Variants in PHEX observed in about 807,000 individuals in gnomAD.
PHEX encodes phosphate regulating endopeptidase X-linked.
In PHEX, 16 loss-of-function variants were observed where a neutral mutation model predicts 68.0. The observed-to-expected ratio is 0.24, with a 90% CI of 0.16 to 0.36. The LOEUF is 0.36. PHEX is among the 10% of genes least tolerant of loss of function. PHEX has a pLI of 1.00. For synonymous variants in PHEX, 208 were observed against 205.1 expected (o/e 1.01, Z -0.12); for missense variants, 480 against 575.5 (o/e 0.83, Z 1.70).
At chrX:22,087,214 A>G (rs1039784860) in intron 5 of PHEX, among the ~76,000 whole-genome samples, 2 of 112,372 alleles carry the variant, frequency 1.8e-5, no homozygotes, top group Admixed American at 1.9e-4. Context: ...TTCCTTTCCT[A>G]TGAGACTCAA....
At chrX:22,137,662 A>G (rs1206391338) in intron 12 of PHEX, among the ~76,000 whole-genome samples, 2 of 111,021 alleles carry the variant, frequency 1.8e-5, no homozygotes, top group Non-Finnish European at 3.8e-5. Context: ...GGTCCCTGGG[A>G]ACTCATTAGA....
In PHEX at chrX:22,191,271, G is replaced by T. The variant is rs1934191693; in HGVS notation, c.1645+769G>T. Among the ~76,000 whole-genome samples, 4 of 111,804 alleles carry T rather than the reference G, an allele frequency of 3.6e-5. No homozygotes were observed. In the Admixed American group the frequency reaches 3.8e-4, roughly 11 times the overall value. ...TCAAACTCCTGGCCTCAAGTGATCT[G>T]CCCACCTTGGCCTTCCAAAGTGCTG... On this transcript the variant is annotated intron_variant, in intron 15 of 21. Coordinates refer to ENST00000379374, the MANE Select transcript of PHEX (RefSeq NM_000444.6).
intron 5 of PHEX, among the ~76,000 whole-genome samples, chrX:22,083,168 A>G (rs1481572235): frequency 8.9e-6 from 1 of 112,193 alleles, no homozygotes; most frequent in Non-Finnish European, 1.9e-5. Flanking sequence ...CCCTTTTATC[A>G]TATACAAAAA....
intron 7 of PHEX, among the ~76,000 whole-genome samples, chrX:22,094,365 G>C (rs923462093): frequency 8.9e-6 from 1 of 112,246 alleles, no homozygotes; most frequent in Non-Finnish European, 1.9e-5. Context: ...ACGTTGCTCA[G>C]CTGTGGCCAA....
chrX:22,099,328 A>G, intron 9 of PHEX, 177 bp downstream of exon 9: 1 of 467,254 alleles, frequency 2.1e-6, no homozygotes, highest in Non-Finnish European at 3.7e-6. Flanking sequence ...GGTGTAATTT[A>G]CTTGCTGCAA....
intron 3 of PHEX, among the ~76,000 whole-genome samples, chrX:22,052,850 T>C (rs764098150): frequency 1.4e-4 from 16 of 111,080 alleles, no homozygotes; most frequent in Non-Finnish European, 2.1e-4. Flanking sequence ...GTGTACAAAA[T>C]ACACTACTTG....
rs1295886938 is a variant in PHEX, at chrX:22,048,088, A to G, written c.349+877A>G. Among the ~76,000 whole-genome samples, 3 of 111,535 alleles carry G rather than the reference A, an allele frequency of 2.7e-5. No homozygotes were observed. The Admixed American group carries it at 2.9e-4, about 11-fold the overall frequency. On this transcript the variant is annotated intron_variant, in intron 3 of 21. Transcript: ENST00000379374. ...CATTTACATTTTCCCAAGATTTTAA[A>G]TACATGAAAATTAAATATGTATCAT...
intron 9 of PHEX, among the ~76,000 whole-genome samples, chrX:22,106,790 A>C (rs1930714883): frequency 9.3e-6 from 1 of 107,880 alleles, no homozygotes; most frequent in African/African-American, 3.5e-5. Context: ...AAAAAAAAAA[A>C]AAAAAACCAA....
In PHEX at chrX:22,250,925, T is replaced by A. The variant is rs959824510; in HGVS notation, c.*2972T>A. 8 of 112,056 alleles carry A rather than the reference T, an allele frequency of 7.1e-5. No homozygotes were observed. The highest frequency in any genetic ancestry group is 1.3e-4 in the Non-Finnish European group (7 of 53,196). 9.2% of individuals were successfully genotyped at this position (112,056 alleles called of 1,213,427 possible). A position where few individuals can be genotyped will look rare whatever the true frequency, so the allele number is the denominator to read the frequency against. ...AAGTGGAGAAGCCTGAAATCCCTTG[T>A]CAAGTATTCCACAGGAAGGAAAGGT... On this transcript the variant is annotated 3_prime_UTR_variant, in exon 22 of 22. Transcript: ENST00000379374.
chrX:22,227,305 G>GTA (rs1276068000), intron 19 of PHEX, among the ~76,000 whole-genome samples: 1 of 112,651 alleles, frequency 8.9e-6, no homozygotes, highest in Non-Finnish European at 1.9e-5. Flanking sequence ...AGCTGCTTTG[G>GTA]TATACATTGA....
Position 22,231,758 on chromosome X carries a change from C to CTCTA in PHEX, c.2070+4151_2070+4154dup, listed in dbSNP as rs770862068. On this transcript the variant is annotated intron_variant, in intron 20 of 21. Transcript: ENST00000379374. ...TGATTTTTTGAAGGGTTTTTTGTGT[C>CTCTA]TCTATCTCCTTCAGTTCTGCTCTGA... Among the ~76,000 whole-genome samples the CTCTA allele has an allele frequency of 8.0e-3, 891 of 111,627 alleles. 5 individuals are homozygous for CTCTA. The highest frequency in any genetic ancestry group is 0.014 in the Non-Finnish European group (725 of 53,084).
At chrX:22,228,950 C>T (rs747748847) in intron 20 of PHEX, among the ~76,000 whole-genome samples, 6 of 111,149 alleles carry the variant, frequency 5.4e-5, no homozygotes, top group East Asian at 5.7e-4. Context: ...TTTCATTGTT[C>T]GACTCCCACT....
chrX:22,228,361 A>C (rs757953678), intron 20 of PHEX, among the ~76,000 whole-genome samples: 77 of 112,006 alleles, frequency 6.9e-4, no homozygotes, highest in African/African-American at 2.5e-3. Context: ...AAGCTAGACA[A>C]AAATTTTCAT....
chrX:22,240,063 A>G (rs1323105603), intron 20 of PHEX, among the ~76,000 whole-genome samples: 1 of 112,439 alleles, frequency 8.9e-6, no homozygotes, highest in Admixed American at 9.4e-5. Context: ...CCTACAAGCC[A>G]GAAGAGAGAG....
chrX:22,190,811 T>A (rs1001565148), intron 15 of PHEX, among the ~76,000 whole-genome samples: 1 of 111,460 alleles, frequency 9.0e-6, no homozygotes, highest in South Asian at 3.8e-4. Context: ...CCTTACTGAT[T>A]TTGTCCATGC....
intron 2 of PHEX, among the ~76,000 whole-genome samples, chrX:22,045,233 G>A (rs1412663951): frequency 1.8e-5 from 2 of 111,810 alleles, no homozygotes; most frequent in South Asian, 3.7e-4. Context: ...TGTAAGATAT[G>A]TATCTAAATT....
chrX:22,208,204 AG>A (rs1415993952), intron 15 of PHEX, among the ~76,000 whole-genome samples: 2 of 111,742 alleles, frequency 1.8e-5, no homozygotes, highest in Non-Finnish European at 3.8e-5. Flanking sequence ...TTTCTTCAAA[AG>A]GTAACCACTG....
chrX:22,160,169 C>T lies in PHEX; in HGVS notation c.1405-8143C>T, dbSNP rs373558658. Among the ~76,000 whole-genome samples, 31 of 111,794 alleles carry T rather than the reference C, an allele frequency of 2.8e-4. No homozygotes were observed. In the South Asian group the frequency reaches 8.2e-3, roughly 30 times the overall value. On this transcript the variant is annotated intron_variant, in intron 12 of 21. Coordinates refer to ENST00000379374, the MANE Select transcript of PHEX (RefSeq NM_000444.6). Reference sequence around the variant, plus strand: ...AAAGAGGTTTAGTTGACTCACAGTTCCACATGGCTGGGGAGGCCTCACAAT... The same window carrying T: ...AAAGAGGTTTAGTTGACTCACAGTTTCACATGGCTGGGGAGGCCTCACAAT...
Position 22,214,950 on chromosome X carries a change from AAT to A in PHEX, c.1700+2003_1700+2004del, listed in dbSNP as rs370203360. Among the ~76,000 whole-genome samples the A allele has an allele frequency of 7.4e-3, 819 of 111,401 alleles. 1 individual carries two copies. Among genetic ancestry groups the A allele is most frequent in the African/African-American group, 0.024 (740 of 30,737 alleles). The stretch of plus-strand genomic sequence containing the variant: ...AATTTGCCCTGCTTTTAAGTTTAGA[AAT>A]ATATATATATCTAAAAAATTAAAGG... On this transcript the variant is annotated intron_variant, in intron 16 of 21. Coordinates refer to ENST00000379374, the MANE Select transcript of PHEX (RefSeq NM_000444.6).
Sources: allele counts gnomAD v4.1 joint callset (sites outside exome capture counted in the v4.1 genomes callset), GRCh38; gene constraint gnomAD v4.1.1; transcripts MANE v1.5; gene names NCBI Gene and HGNC (gene_info 2026-07-23, HGNC 2026-07-21).